MKKS: variants seen among roughly 807,000 people sequenced by gnomAD.
MKKS encodes the protein MKKS centrosomal shuttling protein.
Under a neutral mutation model 33.2 loss-of-function variants are expected in MKKS, and 29 were observed. That is an observed-to-expected ratio of 0.87 (90% CI 0.65 to 1.19). MKKS has a LOEUF of 1.19. Ranked by LOEUF, MKKS falls within the 50% of genes most tolerant of loss-of-function variation. MKKS has a pLI of 0.00. For missense variants in MKKS, 661 were observed against 662.3 expected (o/e 1.00, Z 0.02); for synonymous variants, 260 against 244.0 (o/e 1.07, Z -0.61).
At chr20:10,431,502 A>G (rs148693374) in intron 1 of MKKS, among the ~76,000 whole-genome samples, 2 of 151,760 alleles carry the variant, frequency 1.3e-5, no homozygotes, top group East Asian at 1.9e-4. Flanking sequence ...TTAATAAAAC[A>G]TAACTCAATG....
chr20:10,414,855 T>C (rs551095967), intron 2 of MKKS, among the ~76,000 whole-genome samples: 1 of 152,302 alleles, frequency 6.6e-6, no homozygotes, highest in African/African-American at 2.4e-5. Flanking sequence ...GAGCTAATTT[T>C]CTATCATTTT....
chr20:10,414,703 G>A (rs1030093092), intron 2 of MKKS, among the ~76,000 whole-genome samples: 1 of 152,138 alleles, frequency 6.6e-6, no homozygotes, highest in Non-Finnish European at 1.5e-5. Context: ...AGTCATGTTT[G>A]TAAATAATTA....
Position 10,404,707 on chromosome 20 carries a change from T to A in MKKS, c.*540A>T, listed in dbSNP as rs543250474. 19 of 152,276 alleles carry A rather than the reference T, an allele frequency of 1.2e-4. No homozygotes were observed. The highest frequency in any genetic ancestry group is 4.3e-4 in the African/African-American group (18 of 41,544). The allele number at this position is 152,276 out of a possible 1,614,324, so 9.4% of individuals were successfully genotyped here. A position where few individuals can be genotyped will look rare whatever the true frequency, so the allele number is the denominator to read the frequency against. On this transcript the variant is annotated 3_prime_UTR_variant, in exon 6 of 6. Transcript: ENST00000347364. ...AACTACAAATTGCAGGCAAACCAGG[T>A]TCTACTCAATTACCTAACCACTGAA...
In MKKS at chr20:10,408,675, T is replaced by A; in HGVS notation, c.1114A>T (p.Ser372Cys). ...TCATTTCTGTTGCAGAGAAGCAAGC[T>A]GCAGATTGTTGCTTCATTAGGAATA... ...HLIPNEATIC[S>C]LLLCNRNDTA... Residue 372 changes from serine (S) to cysteine (C), a missense_variant, in exon 4 of 6, where the codon AGC becomes TGC. Coordinates refer to ENST00000347364, the MANE Select transcript of MKKS (RefSeq NM_170784.3). The A allele has an allele frequency of 6.2e-7, 1 of 1,614,152 alleles. No individual in the cohort carries two copies. The highest frequency in any genetic ancestry group is 8.5e-7 in the Non-Finnish European group (1 of 1,180,008).
At chr20:10,417,571 C>T (rs2064948508) in intron 2 of MKKS, among the ~76,000 whole-genome samples, 3 of 152,246 alleles carry the variant, frequency 2.0e-5, no homozygotes, top group East Asian at 3.9e-4. Context: ...TGATATGTTA[C>T]TGCACTGTAG....
At chr20:10,418,054 T>C (rs530784596) in intron 2 of MKKS, among the ~76,000 whole-genome samples, 3 of 152,304 alleles carry the variant, frequency 2.0e-5, no homozygotes, top group East Asian at 3.9e-4. Flanking sequence ...AATATAAACA[T>C]GGCCTTGGGT....
Position 10,413,875 on chromosome 20 carries a change from T to G in MKKS, c.-361A>C. 1 of 429,372 alleles carries G rather than the reference T, an allele frequency of 2.3e-6. No homozygotes were observed. The highest frequency in any genetic ancestry group is 3.9e-5 in the Admixed American group (1 of 25,906). The allele number at this position is 429,372 out of a possible 1,614,324, so 26.6% of individuals were successfully genotyped here. ...AGAAGCCAGTTCTTTCTAATCCAAC[T>G]GGTATTTTTCATCTCTTCTTTCGAT... On this transcript the variant is annotated 5_prime_UTR_variant, in exon 3 of 6. Coordinates refer to ENST00000347364, the MANE Select transcript of MKKS (RefSeq NM_170784.3).
At chr20:10,417,669 TGTA>T (rs386812441) in intron 2 of MKKS, among the ~76,000 whole-genome samples, 2 of 52,822 alleles carry the variant, frequency 3.8e-5, no homozygotes, top group Non-Finnish European at 7.6e-5. Flanking sequence ...TAGCCTTCTC[TGTA>T]AAAAAAAAAA....
In MKKS at chr20:10,407,707, A is replaced by T. The variant is rs1210662480; in HGVS notation, c.1181T>A (p.Leu394Gln). Residue 394 changes from leucine to glutamine, a missense_variant, in exon 5 of 6, where the codon CTG (leucine) becomes CAG (glutamine). By Grantham distance (113) the Leu-to-Gln change is moderately radical. Transcript: ENST00000347364. Reference protein sequence around the residue: ...DELKLTCQTALHVLQLTLKEP... With the variant: ...DELKLTCQTAQHVLQLTLKEP... The stretch of plus-strand genomic sequence containing the variant: ...CTTGAGTGTTAACTGCAGGACATGC[A>T]GTGCCGTCTGACACGTGAGCTAAGA... The T allele has an allele frequency of 6.2e-7, 1 of 1,613,828 alleles. No individual in the cohort carries two copies. The highest frequency in any genetic ancestry group is 1.3e-5 in the African/African-American group (1 of 74,912).
chr20:10,408,089 T>C (rs1175536510), intron 4 of MKKS, among the ~76,000 whole-genome samples: 2 of 152,182 alleles, frequency 1.3e-5, no homozygotes, highest in African/African-American at 4.8e-5. Flanking sequence ...TTATTTTGAA[T>C]GGATTTGGAA....
intron 2 of MKKS, among the ~76,000 whole-genome samples, chr20:10,414,265 C>A (rs958165531): frequency 4.5e-5 from 6 of 132,360 alleles, no homozygotes; most frequent in South Asian, 2.5e-4. Context: ...GTCTCTGAGT[C>A]TTTTTTTTTT....
chr20:10,423,248 G>A (rs779539178), intron 1 of MKKS, among the ~76,000 whole-genome samples: 1 of 152,016 alleles, frequency 6.6e-6, no homozygotes, highest in African/African-American at 2.4e-5. Flanking sequence ...GGCAAAACCC[G>A]TTTCTACAAA....
In MKKS at chr20:10,404,994, C is replaced by G. The variant is rs1438329903; in HGVS notation, c.*253G>C. 1.0e-5 allele frequency: 3 copies of G among 290,116 alleles called. No individual in the cohort carries two copies. Among genetic ancestry groups the G allele is most frequent in the African/African-American group, 6.6e-5 (3 of 45,370 alleles). The allele number at this position is 290,116 out of a possible 1,614,324, so 18.0% of individuals were successfully genotyped here. A position where few individuals can be genotyped will look rare whatever the true frequency, so the allele number is the denominator to read the frequency against. ...CATAACAAAAATTTAGAACAATGTA[C>G]AGCAGCCAGTATAGAATCCCTAAGA... On this transcript the variant is annotated 3_prime_UTR_variant, in exon 6 of 6. Coordinates refer to ENST00000347364, the MANE Select transcript of MKKS (RefSeq NM_170784.3).
At chr20:10,415,124 A>C (rs114862176) in intron 2 of MKKS, among the ~76,000 whole-genome samples, 96 of 152,372 alleles carry the variant, frequency 6.3e-4, no homozygotes, top group African/African-American at 2.2e-3. Context: ...CTTGAGGCAT[A>C]AATTCCTGAC....
At position 10,405,242 on chromosome 20, in the gene MKKS, T is replaced by C. The variant is rs757488951; in HGVS notation, c.*5A>G. The C allele has an allele frequency of 3.7e-6, 6 of 1,603,356 alleles. No homozygotes were observed. Among genetic ancestry groups the C allele is most frequent in the Non-Finnish European group, 3.4e-6 (4 of 1,173,012 alleles). On this transcript the variant is annotated 3_prime_UTR_variant, in exon 6 of 6. Coordinates refer to ENST00000347364, the MANE Select transcript of MKKS (RefSeq NM_170784.3). ...TTTCTCTTGTAATACGAACATGCTATTCTCTTAGTTTTTATCTTCAATAAC... is the reference window on the plus strand; with the variant it reads ...TTTCTCTTGTAATACGAACATGCTACTCTCTTAGTTTTTATCTTCAATAAC...
intron 2 of MKKS, among the ~76,000 whole-genome samples, chr20:10,416,887 A>T (rs913676938): frequency 6.6e-6 from 1 of 152,216 alleles, no homozygotes; most frequent in African/African-American, 2.4e-5. Context: ...ACTGTGTATG[A>T]GTGCTTTTAC....
Position 10,403,391 on chromosome 20 carries a change from G to A in MKKS, c.*1856C>T, listed in dbSNP as rs986776638. The A allele has an allele frequency of 2.0e-5, 3 of 150,228 alleles. No individual in the cohort carries two copies. Among genetic ancestry groups the A allele is most frequent in the South Asian group, 2.1e-4 (1 of 4,698 alleles). 9.3% of individuals were successfully genotyped at this position (150,228 alleles called of 1,614,324 possible). On this transcript the variant is annotated 3_prime_UTR_variant, in exon 6 of 6. Transcript: ENST00000347364. ...AGGCTGCCTACCACATGCAAAATAC[G>A]TCCCCCCTACTCCTCAGATCCTCAA...
At position 10,404,930 on chromosome 20, in the gene MKKS, G is replaced by C; in HGVS notation, c.*317C>G. 1 of 204,676 alleles carries C rather than the reference G, an allele frequency of 4.9e-6. No individual in the cohort carries two copies. The highest frequency in any genetic ancestry group is 9.6e-5 in the South Asian group (1 of 10,376). 12.7% of individuals were successfully genotyped at this position (204,676 alleles called of 1,614,324 possible). On this transcript the variant is annotated 3_prime_UTR_variant, in exon 6 of 6. Coordinates refer to ENST00000347364, the MANE Select transcript of MKKS (RefSeq NM_170784.3). ...TATATCCAAACTAGAGCATGGATTA[G>C]GAGTCTTTTTTATTTGTTTGCTCTC...
At chr20:10,420,319 T>C (rs2122254047) in intron 2 of MKKS, among the ~76,000 whole-genome samples, 1 of 152,346 alleles carries the variant, frequency 6.6e-6, no homozygotes, top group Non-Finnish European at 1.5e-5. Flanking sequence ...TCCCTTTGCA[T>C]TCAATTGACT....
Sources: allele counts gnomAD v4.1 joint callset (sites outside exome capture counted in the v4.1 genomes callset), GRCh38; gene constraint gnomAD v4.1.1; transcripts MANE v1.5; gene names NCBI Gene and HGNC (gene_info 2026-07-23, HGNC 2026-07-21).